DMD: variants seen among roughly 807,000 people sequenced by gnomAD.
DMD encodes mutant dystrophin.
In DMD, 63 loss-of-function variants were observed where a neutral mutation model predicts 330.1. The ratio of observed to expected loss-of-function variants is 0.19; its 90% CI spans 0.16 to 0.24. The LOEUF (loss-of-function observed/expected upper bound fraction) is 0.24, where lower values mean the gene tolerates loss of function less well. Ranked by LOEUF, DMD falls within the 10% of genes least tolerant of loss-of-function variation. The pLI is 1.00. For synonymous variants in DMD, 1,223 were observed against 959.8 expected (o/e 1.27, Z -5.07); for missense variants, 3,344 against 2,684.1 (o/e 1.25, Z -5.43).
intron 2 of DMD, among the ~76,000 whole-genome samples, chrX:32,918,138 T>C (rs1157599858): frequency 9.0e-6 from 1 of 111,329 alleles, no homozygotes; most frequent in Non-Finnish European, 1.9e-5. Flanking sequence ...TTTCCTATTT[T>C]ATGGCTAAAA....
At chrX:32,661,715 T>C in intron 9 of DMD, among the ~76,000 whole-genome samples, 1 of 111,736 alleles carries the variant, frequency 8.9e-6, no homozygotes, top group Middle Eastern at 4.6e-3. Flanking sequence ...CTGTGACCAA[T>C]TTTATATGTT....
At chrX:32,614,735 T>C (rs1412040795) in intron 11 of DMD, among the ~76,000 whole-genome samples, 3 of 111,133 alleles carry the variant, frequency 2.7e-5, no homozygotes, top group Non-Finnish European at 5.7e-5. Flanking sequence ...ATTGACTAAG[T>C]AGTATATTTT....
intron 55 of DMD, among the ~76,000 whole-genome samples, chrX:31,588,215 G>C (rs927191191): frequency 1.5e-4 from 17 of 111,867 alleles, no homozygotes; most frequent in African/African-American, 5.2e-4. Flanking sequence ...GAAGGCCAGG[G>C]AGAGACTGCC....
At chrX:32,262,384 G>C (rs773613940) in intron 43 of DMD, among the ~76,000 whole-genome samples, 31 of 111,460 alleles carry the variant, frequency 2.8e-4, no homozygotes, top group Non-Finnish European at 3.6e-4. Flanking sequence ...ACCGAAAACA[G>C]ACTTGTGAGG....
intron 44 of DMD, among the ~76,000 whole-genome samples, chrX:32,082,824 TC>T (rs2096403866): frequency 1.8e-5 from 2 of 111,503 alleles, no homozygotes; most frequent in Non-Finnish European, 3.8e-5. Context: ...CAACCATACC[TC>T]CCCTACATGT....
intron 1 of DMD, among the ~76,000 whole-genome samples, chrX:33,285,301 G>A (rs952198688): frequency 8.7e-5 from 8 of 91,713 alleles, no homozygotes; most frequent in Non-Finnish European, 1.6e-4. Flanking sequence ...AGTTTAATAC[G>A]AATTCATTTG....
chrX:31,608,945 A>G (rs1056819036), intron 55 of DMD, among the ~76,000 whole-genome samples: 2 of 111,982 alleles, frequency 1.8e-5, no homozygotes, highest in Non-Finnish European at 3.8e-5. Context: ...CTACAGCTAC[A>G]TAACAGTTTC....
chrX:32,708,810 T>C (rs2064923264), intron 7 of DMD, among the ~76,000 whole-genome samples: 1 of 111,621 alleles, frequency 9.0e-6, no homozygotes, highest in Non-Finnish European at 1.9e-5. Context: ...GTCATGGTGG[T>C]ATCATATGTC....
At chrX:33,088,446 C>T (rs1421857857) in intron 1 of DMD, among the ~76,000 whole-genome samples, 3 of 111,968 alleles carry the variant, frequency 2.7e-5, no homozygotes, top group African/African-American at 6.5e-5. Context: ...TGTCCAAAGC[C>T]ATGGAAGCAC....
intron 1 of DMD, among the ~76,000 whole-genome samples, chrX:33,148,453 A>G (rs751244393): frequency 2.7e-5 from 3 of 112,194 alleles, no homozygotes; most frequent in African/African-American, 9.7e-5. Flanking sequence ...CTTTTTCCCT[A>G]TCAGTCAGGT....
intron 34 of DMD, among the ~76,000 whole-genome samples, chrX:32,380,105 A>G (rs755690396): frequency 9.0e-6 from 1 of 111,369 alleles, no homozygotes; most frequent in Non-Finnish European, 1.9e-5. Context: ...CGACTTTGGC[A>G]ATATGCTAAT....
intron 26 of DMD, among the ~76,000 whole-genome samples, chrX:32,453,847 GTATTAA>G (rs1450526546): frequency 1.8e-5 from 2 of 110,540 alleles, no homozygotes; most frequent in Non-Finnish European, 3.8e-5. Context: ...AAGATCTACA[GTATTAA>G]TATTTCAAGT....
chrX:31,219,859 T>TACACACACAC (rs2045812274), intron 64 of DMD, among the ~76,000 whole-genome samples: 1 of 28,295 alleles, frequency 3.5e-5, no homozygotes, highest in Non-Finnish European at 8.3e-5. Context: ...CACACACACT[T>TACACACACAC]ATATACACAT....
intron 7 of DMD, among the ~76,000 whole-genome samples, chrX:32,733,096 A>C (rs1303555529): frequency 9.3e-6 from 1 of 107,946 alleles, no homozygotes; most frequent in African/African-American, 3.5e-5. Flanking sequence ...AAACAAAAAA[A>C]GGCAGGGGTT....
intron 2 of DMD, among the ~76,000 whole-genome samples, chrX:32,962,318 T>A (rs1286539368): frequency 8.9e-6 from 1 of 112,287 alleles, no homozygotes; most frequent in Non-Finnish European, 1.9e-5. Flanking sequence ...TACTTCTGTT[T>A]TATTTGATTT....
intron 1 of DMD, among the ~76,000 whole-genome samples, chrX:33,222,345 C>T (rs1254733867): frequency 8.9e-6 from 1 of 111,988 alleles, no homozygotes; most frequent in Non-Finnish European, 1.9e-5. Flanking sequence ...ACTGATATAT[C>T]TAATCTTGAA....
intron 60 of DMD, among the ~76,000 whole-genome samples, chrX:31,398,448 A>G (rs2148828634): frequency 9.0e-6 from 1 of 111,719 alleles, no homozygotes; most frequent in South Asian, 3.8e-4. Flanking sequence ...GGAGGAAAAA[A>G]TTCTTTTTGA....
At chrX:32,449,442 T>G (rs370271848) in intron 26 of DMD, among the ~76,000 whole-genome samples, 93 of 110,196 alleles carry the variant, frequency 8.4e-4, no homozygotes, top group South Asian at 1.5e-3. Context: ...AATTGCAACT[T>G]TAGCCTCATT....
intron 29 of DMD, among the ~76,000 whole-genome samples, chrX:32,432,290 C>G (rs1039405442): frequency 1.8e-5 from 2 of 111,535 alleles, no homozygotes; most frequent in African/African-American, 6.5e-5. Context: ...GATCATATTT[C>G]TTTTCCATCA....
Sources: gnomAD v4.1 joint callset for allele counts (sites outside exome capture counted in the v4.1 genomes callset) on GRCh38, gnomAD v4.1.1 for gene constraint, MANE v1.5 for transcripts, NCBI Gene and HGNC (gene_info 2026-07-23, HGNC 2026-07-21) for gene names.